Variants in SNED1 observed in about 807,000 individuals in gnomAD.
SNED1 encodes sushi, nidogen and EGF-like domain-containing protein 1.
Under a neutral mutation model 166.7 loss-of-function variants are expected in SNED1, and 81 were observed. That is an observed-to-expected ratio of 0.49 (90% confidence interval 0.41 to 0.58). The LOEUF is 0.58. SNED1 is among the 20% of genes least tolerant of loss of function. The probability of loss-of-function intolerance (pLI) is 0.00; values close to 1 mark genes in which losing one functional copy is unlikely to be tolerated. For synonymous variants in SNED1, 762 were observed against 822.0 expected (o/e 0.93, Z 1.25); for missense variants, 1,604 against 2,000.2 (o/e 0.80, Z 3.78).
chr2:241,057,211 T>C (rs2062074270), intron 16 of SNED1, among the ~76,000 whole-genome samples: 1 of 151,440 alleles, frequency 6.6e-6, no homozygotes. Flanking sequence ...AAACCCCATC[T>C]CTACTAAAAA....
At chr2:241,042,911 G>A (rs1354665265) in intron 8 of SNED1, among the ~76,000 whole-genome samples, 1 of 152,200 alleles carries the variant, frequency 6.6e-6, no homozygotes, top group Non-Finnish European at 1.5e-5. Context: ...AGTCTGCGAA[G>A]GAGGATGGAG....
At chr2:241,012,995 C>CT (rs1245317700) in intron 1 of SNED1, among the ~76,000 whole-genome samples, 3 of 152,010 alleles carry the variant, frequency 2.0e-5, no homozygotes, top group African/African-American at 7.3e-5. Context: ...GCCACCACGC[C>CT]CGCTAATTTT....
intron 15 of SNED1, 78 bp from the exon 16 acceptor site, chr2:241,053,075 G>T (rs944122140): frequency 2.1e-6 from 3 of 1,406,634 alleles, no homozygotes; most frequent in East Asian, 4.9e-5. Context: ...CCCTGCAGTC[G>T]GGTCGGGCAG....
chr2:241,056,476 A>G (rs1284583620), intron 16 of SNED1, among the ~76,000 whole-genome samples: 2 of 152,020 alleles, frequency 1.3e-5, no homozygotes, highest in African/African-American at 4.8e-5. Flanking sequence ...ACAACAGAAG[A>G]AAAAAAACCA....
chr2:241,088,324 A>G, intron 30 of SNED1, 41 bp from the exon 31 acceptor site: 1 of 1,430,856 alleles, frequency 7.0e-7, no homozygotes, highest in Non-Finnish European at 9.9e-7. Flanking sequence ...CAAGGTACAC[A>G]GTCTCTTTTT....
rs1474818532 is a variant in SNED1 at position 241,051,378 on chromosome 2, G to A, written c.1736-366G>A. On this transcript the variant is annotated intron_variant, in intron 12 of 31. Coordinates refer to ENST00000310397, the MANE Select transcript of SNED1 (RefSeq NM_001080437.3). This position sits in a 1 kb window ranked among gnomAD's most constrained non-coding sequence, Gnocchi z 4.7. ...GGGACCCTGATGTCACGGCAGATGA[G>A]ACTCAGCTGCTTCCTGTCAGATGGG... The A allele has an allele frequency of 4.7e-6, 1 of 214,558 alleles. No homozygotes were observed. Among genetic ancestry groups the A allele is most frequent in the Admixed American group, 5.8e-5 (1 of 17,316 alleles). The allele number at this position is 214,558 out of a possible 1,614,324, so 13.3% of individuals were successfully genotyped here.
At chr2:241,063,756 G>A in intron 18 of SNED1, 56 bp downstream of exon 18, 1 of 1,281,422 alleles carries the variant, frequency 7.8e-7, no homozygotes, top group South Asian at 1.3e-5. Flanking sequence ...TGGAAGATCA[G>A]AGAGGAGGTG....
intron 1 of SNED1, among the ~76,000 whole-genome samples, chr2:241,001,068 G>A (rs2060062788): frequency 6.6e-6 from 1 of 152,214 alleles, no homozygotes; most frequent in Non-Finnish European, 1.5e-5. Flanking sequence ...CTCTTCTGAG[G>A]CCCCTGGCTC....
chr2:241,059,446 C>T (rs552951255), intron 16 of SNED1, among the ~76,000 whole-genome samples: 2 of 152,310 alleles, frequency 1.3e-5, no homozygotes, highest in East Asian at 3.9e-4. Context: ...AACTTCTCAA[C>T]TCACCTTGAT....
chr2:241,065,288 A>G lies in SNED1; in HGVS notation c.2714-11A>G. The stretch of plus-strand genomic sequence containing the variant: ...CAGTCCCCTCCCCTTGTTTTGACCC[A>G]AACCCTGAAGAGCTCTTCCCACCGA... On this transcript the variant is annotated splice_polypyrimidine_tract_variant and intron_variant, in intron 20 of 31. Coordinates refer to ENST00000310397, the MANE Select transcript of SNED1 (RefSeq NM_001080437.3). The G allele has an allele frequency of 6.2e-7, 1 of 1,612,242 alleles. No homozygotes were observed. Among genetic ancestry groups the G allele is most frequent in the Non-Finnish European group, 8.5e-7 (1 of 1,179,734 alleles).
chr2:240,999,599 G>T lies in SNED1; in HGVS notation c.213+549G>T, dbSNP rs1292463392. On this transcript the variant is annotated intron_variant, in intron 1 of 31. Coordinates refer to ENST00000310397, the MANE Select transcript of SNED1 (RefSeq NM_001080437.3). The surrounding 1 kb of genome is among the most constrained non-coding windows in gnomAD (Gnocchi z 5.8). ...GACCCTCCTAGGCGGGCTAGCAACA[G>T]GCTTGCCCCTCCCTGCCGTCCTCTC... Among the ~76,000 whole-genome samples, 1 of 152,228 alleles carries T rather than the reference G, an allele frequency of 6.6e-6. No homozygotes were observed. Among genetic ancestry groups the T allele is most frequent in the Non-Finnish European group, 1.5e-5 (1 of 68,036 alleles).
At position 241,064,016 on chromosome 2, in the gene SNED1, G is replaced by A. The variant is rs2062333666; in HGVS notation, c.2490G>A (p.Val830=). 4 of 1,552,502 alleles carry A rather than the reference G, an allele frequency of 2.6e-6. No individual in the cohort carries two copies. In the South Asian group the frequency reaches 4.8e-5, roughly 18 times the overall value. ...GFVGVHCETE[V]DACDSSPCQH... is the part of the protein sequence containing the mutation. ...CACTCTCTGGGTGTTCTCCAGAGGTGGACGCCTGCGACTCCAGCCCCTGCC... is the reference window on the plus strand; with the variant it reads ...CACTCTCTGGGTGTTCTCCAGAGGTAGACGCCTGCGACTCCAGCCCCTGCC... Residue 830 remains valine, a synonymous_variant, in exon 19 of 32, where the codon GTG becomes GTA. Transcript: ENST00000310397. The surrounding 1 kb of genome is among the most constrained non-coding windows in gnomAD (Gnocchi z 7.0).
At chr2:241,036,418 C>CTGA (rs2061371568) in intron 4 of SNED1, among the ~76,000 whole-genome samples, 1 of 152,130 alleles carries the variant, frequency 6.6e-6, no homozygotes, top group Non-Finnish European at 1.5e-5. Context: ...GACATGACGG[C>CTGA]TGAGTGCCAG....
intron 8 of SNED1, among the ~76,000 whole-genome samples, chr2:241,041,795 G>A (rs1349689156): frequency 6.6e-6 from 1 of 152,196 alleles, no homozygotes; most frequent in Non-Finnish European, 1.5e-5. Context: ...GTCTAATCAG[G>A]TCTGACAGGA....
intron 2 of SNED1, among the ~76,000 whole-genome samples, chr2:241,032,353 TA>T (rs1316196565): frequency 1.2e-3 from 170 of 138,700 alleles, no homozygotes; most frequent in Middle Eastern, 7.6e-3. Context: ...CCATCTCAAA[TA>T]AAAAAAAAAA....
rs750017877 is a variant in SNED1 at position 241,062,845 on chromosome 2, G to A, written c.2312G>A (p.Arg771His). Residue 771 changes from arginine (R) to histidine (H), a missense_variant, in exon 17 of 32, where the codon CGC (arginine) becomes CAC (histidine). Physicochemically the swap from Arg to His is conservative, Grantham distance 29 (BLOSUM62 0). Transcript: ENST00000310397. ...CTGCATGGGGGCTCTTGTCAGGACC[G>A]CGTTGCTGGGTACCTGTGCCTCTGC... ...PCLHGGSCQD[R>H]VAGYLCLCST... The A allele has an allele frequency of 1.8e-5, 29 of 1,611,662 alleles. No homozygotes were observed. The highest frequency in any genetic ancestry group is 8.8e-5 in the South Asian group (8 of 90,406).
chr2:241,079,396 A>G (rs1352469633), intron 27 of SNED1, among the ~76,000 whole-genome samples: 1 of 147,320 alleles, frequency 6.8e-6, no homozygotes, highest in African/African-American at 2.5e-5. Context: ...TGGGCGACAG[A>G]GTGAGACTCC....
In SNED1 at chr2:241,070,130, CTG is replaced by C. The variant is rs755267337; in HGVS notation, c.3521_3522del (p.Val1174AspfsTer29). The C allele has an allele frequency of 1.2e-6, 2 of 1,612,382 alleles. No homozygotes were observed. The highest frequency in any genetic ancestry group is 1.7e-5 in the Admixed American group (1 of 59,964). ...CTGCCGGGACGGCGGTACCAGCTCTCTGTGATAGCAGTGCAGAGCACGGAGCT... is the reference window on the plus strand; with the variant it reads ...CTGCCGGGACGGCGGTACCAGCTCTCTGATAGCAGTGCAGAGCACGGAGCT... On this transcript the variant is annotated frameshift_variant, in exon 24 of 32. Transcript: ENST00000310397. LOFTEE classifies it high-confidence loss of function.
chr2:241,005,366 G>C (rs1044812867), intron 1 of SNED1, among the ~76,000 whole-genome samples: 1 of 151,846 alleles, frequency 6.6e-6, no homozygotes, highest in African/African-American at 2.4e-5. Flanking sequence ...ATCACCCCCA[G>C]CTAATTTTTG....
Sources: allele counts gnomAD v4.1 joint callset (sites outside exome capture counted in the v4.1 genomes callset), GRCh38; gene constraint gnomAD v4.1.1; non-coding constraint Gnocchi (gnomAD v3.1); transcripts MANE v1.5; gene names NCBI Gene and HGNC (gene_info 2026-07-23, HGNC 2026-07-21).